Variants in NRG3 observed in about 807,000 individuals in gnomAD.
NRG3 encodes the protein pro-neuregulin-3, membrane-bound isoform.
NRG3 carries 31 observed loss-of-function variants against 66.9 expected under a neutral mutation model. The observed-to-expected ratio is 0.46, with a 90% CI of 0.35 to 0.63. The LOEUF (loss-of-function observed/expected upper bound fraction) is 0.63, where lower values mean the gene tolerates loss of function less well. NRG3 is among the 20% of genes least tolerant of loss of function. NRG3 has a pLI of 0.00. For missense variants in NRG3, 910 were observed against 878.9 expected, an observed-to-expected ratio of 1.04 and a Z score of -0.45; for synonymous variants, 393 against 359.4, an observed-to-expected ratio of 1.09 and a Z score of -1.06.
rs564634496 is a variant in NRG3 at position 82,217,380 on chromosome 10, C to T, written c.824-141359C>T. Reference sequence around the variant, plus strand: ...CTCCTGACCTACAACATTAGGACCACGTGGGAACTTGCTAGATTCTGAGGC... The same window carrying T: ...CTCCTGACCTACAACATTAGGACCATGTGGGAACTTGCTAGATTCTGAGGC... On this transcript the variant is annotated intron_variant, in intron 1 of 8. Transcript: ENST00000372141. Among the ~76,000 whole-genome samples the T allele has an allele frequency of 6.6e-5, 10 of 152,248 alleles. No homozygotes were observed. In the East Asian group the frequency reaches 1.7e-3, roughly 26 times the overall value.
At chr10:81,889,887 G>T (rs1226051790) in intron 1 of NRG3, among the ~76,000 whole-genome samples, 4 of 152,174 alleles carry the variant, frequency 2.6e-5, no homozygotes, top group Admixed American at 2.6e-4. Context: ...ATCCAAATCT[G>T]TGTTTCTCCT....
At chr10:82,674,552 A>G (rs991219290) in intron 2 of NRG3, among the ~76,000 whole-genome samples, 2 of 152,170 alleles carry the variant, frequency 1.3e-5, no homozygotes, top group African/African-American at 2.4e-5. Flanking sequence ...GTAATTGAAT[A>G]TAGTCCCCTT....
At chr10:82,701,086 G>A (rs1450496526) in intron 2 of NRG3, among the ~76,000 whole-genome samples, 1 of 151,676 alleles carries the variant, frequency 6.6e-6, no homozygotes, top group Non-Finnish European at 1.5e-5. Flanking sequence ...ATTTTATAAA[G>A]TCTTAAATAC....
intron 3 of NRG3, among the ~76,000 whole-genome samples, chr10:82,798,238 C>G (rs916768636): frequency 6.6e-6 from 1 of 152,042 alleles, no homozygotes; most frequent in African/African-American, 2.4e-5. Flanking sequence ...ATGAAACAAT[C>G]CTGCAACAAA....
chr10:82,598,621 G>A (rs1395514050), intron 2 of NRG3, among the ~76,000 whole-genome samples: 1 of 152,220 alleles, frequency 6.6e-6, no homozygotes, highest in African/African-American at 2.4e-5. Context: ...AGGATGGAGT[G>A]ATTGTCTATA....
intron 1 of NRG3, among the ~76,000 whole-genome samples, chr10:82,034,565 A>G (rs963272013): frequency 1.3e-5 from 2 of 152,072 alleles, no homozygotes; most frequent in African/African-American, 2.4e-5. Flanking sequence ...TCCTGATTTC[A>G]TAGAGCTGAG....
chr10:82,345,145 A>G (rs1589790113), intron 1 of NRG3, among the ~76,000 whole-genome samples: 1 of 142,420 alleles, frequency 7.0e-6, no homozygotes, highest in African/African-American at 2.9e-5. Flanking sequence ...GCCCATGTCT[A>G]TGTCCTGAAT....
chr10:82,733,851 A>T (rs895661353), intron 2 of NRG3, among the ~76,000 whole-genome samples: 3 of 152,238 alleles, frequency 2.0e-5, no homozygotes, highest in Non-Finnish European at 4.4e-5. Flanking sequence ...GCCGTAACTT[A>T]GTTGTTATTC....
At position 82,273,366 on chromosome 10, in the gene NRG3, G is replaced by A. The variant is rs76212068; in HGVS notation, c.824-85373G>A. On this transcript the variant is annotated intron_variant, in intron 1 of 8. Coordinates refer to ENST00000372141, the MANE Select transcript of NRG3 (RefSeq NM_001010848.4). ...AGTGCCAGAAAAGTACAAGGGTGAT[G>A]TTTTATTCATACTTTGTGCTTTCCT... is the stretch of plus-strand genomic sequence containing the variant. Among the ~76,000 whole-genome samples, 348 of 151,988 alleles carry A rather than the reference G, an allele frequency of 2.3e-3. 1 individual carries two copies. Among genetic ancestry groups the A allele is most frequent in the African/African-American group, 6.8e-3 (281 of 41,484 alleles).
chr10:82,291,318 A>T (rs1415744138), intron 1 of NRG3, among the ~76,000 whole-genome samples: 1 of 152,194 alleles, frequency 6.6e-6, no homozygotes, highest in Non-Finnish European at 1.5e-5. Flanking sequence ...CTGAAAATTT[A>T]AAAATGCTGA....
At chr10:82,715,198 C>T (rs957351951) in intron 2 of NRG3, among the ~76,000 whole-genome samples, 4 of 152,114 alleles carry the variant, frequency 2.6e-5, no homozygotes, top group African/African-American at 9.7e-5. Flanking sequence ...AGTTCGAGAC[C>T]AGCCTGAGCA....
At chr10:81,978,786 C>T (rs2060219726) in intron 1 of NRG3, among the ~76,000 whole-genome samples, 1 of 151,924 alleles carries the variant, frequency 6.6e-6, no homozygotes, top group Non-Finnish European at 1.5e-5. Context: ...AAACTGCTGG[C>T]CTCAAGTGAT....
intron 1 of NRG3, among the ~76,000 whole-genome samples, chr10:82,000,773 G>A (rs2061131009): frequency 6.6e-6 from 1 of 152,084 alleles, no homozygotes; most frequent in African/African-American, 2.4e-5. Context: ...TTACTTAATA[G>A]GCAGCTTGAA....
chr10:82,144,608 T>C (rs565312315), intron 1 of NRG3, among the ~76,000 whole-genome samples: 1 of 152,186 alleles, frequency 6.6e-6, no homozygotes, highest in Non-Finnish European at 1.5e-5. Context: ...ACAAGTCAAC[T>C]CTGTCAGTGT....
chr10:82,376,489 TACCATA>T (rs2085246828), intron 2 of NRG3, among the ~76,000 whole-genome samples: 1 of 152,202 alleles, frequency 6.6e-6, no homozygotes, highest in South Asian at 2.1e-4. Flanking sequence ...ACCCTCACTT[TACCATA>T]ACCAGTAGAG....
chr10:82,814,231 A>T (rs1464691524), intron 3 of NRG3, among the ~76,000 whole-genome samples: 1 of 152,206 alleles, frequency 6.6e-6, no homozygotes, highest in Non-Finnish European at 1.5e-5. Flanking sequence ...ATTGACCACT[A>T]TTTGTATACA....
intron 2 of NRG3, among the ~76,000 whole-genome samples, chr10:82,376,707 G>T (rs1303830097): frequency 6.6e-6 from 1 of 152,154 alleles, no homozygotes; most frequent in Non-Finnish European, 1.5e-5. Flanking sequence ...CAAGTTACCT[G>T]TTACCATGCT....
intron 4 of NRG3, among the ~76,000 whole-genome samples, chr10:82,879,815 A>G (rs1298833719): frequency 6.6e-6 from 1 of 152,082 alleles, no homozygotes; most frequent in Non-Finnish European, 1.5e-5. Flanking sequence ...CAGTTCACTT[A>G]GTAGTACTGA....
intron 1 of NRG3, among the ~76,000 whole-genome samples, chr10:81,951,431 T>C (rs1317314451): frequency 1.3e-5 from 2 of 152,162 alleles, no homozygotes; most frequent in African/African-American, 4.8e-5. Context: ...ATAATAATCT[T>C]TGCAATTAGC....
Sources: allele counts gnomAD v4.1 joint callset (sites outside exome capture counted in the v4.1 genomes callset), GRCh38; gene constraint gnomAD v4.1.1; transcripts MANE v1.5; gene names NCBI Gene and HGNC (gene_info 2026-07-23, HGNC 2026-07-21).